Variants in UBXN4 observed in about 807,000 individuals in gnomAD.
UBXN4 encodes UBX domain protein 4.
In UBXN4, 35 loss-of-function variants were observed where a neutral mutation model predicts 66.2. That is an observed-to-expected ratio of 0.53 (90% CI 0.40 to 0.70). The LOEUF is 0.70. Ranked by LOEUF, UBXN4 falls within the 30% of genes least tolerant of loss-of-function variation. UBXN4 has a pLI of 0.00. For synonymous variants in UBXN4, 203 were observed against 204.5 expected (o/e 0.99, Z 0.06); for missense variants, 533 against 599.8 (o/e 0.89, Z 1.16).
chr2:135,745,818 CTAATGGAGCATTCT>C lies in UBXN4; in HGVS notation c.83-2436_83-2423del, dbSNP rs200463841. Among the ~76,000 whole-genome samples the C allele has an allele frequency of 2.7e-3, 411 of 149,566 alleles. 10 individuals are homozygous for C. The highest frequency in any genetic ancestry group is 0.019 in the Admixed American group (276 of 14,832). ...TGCATCTTCAACATCTAGGAGTCTG[CTAATGGAGCATTCT>C]TAATGGAGCATTTGGTCTGTGGATG... On this transcript the variant is annotated intron_variant, in intron 1 of 12. Transcript: ENST00000272638.
chr2:135,749,151 T>TTA (rs2077227647), intron 2 of UBXN4, among the ~76,000 whole-genome samples: 2 of 152,180 alleles, frequency 1.3e-5, no homozygotes, highest in African/African-American at 4.8e-5. Flanking sequence ...TGAAAAAACT[T>TTA]TAAGCTTTCC....
intron 8 of UBXN4, among the ~76,000 whole-genome samples, chr2:135,772,004 A>G (rs2077386525): frequency 6.6e-6 from 1 of 152,210 alleles, no homozygotes. Context: ...CCAGAATGTT[A>G]AAGTTCACAT....
At position 135,770,665 on chromosome 2, in the gene UBXN4, T is replaced by C. The variant is rs1184985439; in HGVS notation, c.752T>C (p.Leu251Pro). Residue 251 changes from leucine (L) to proline (P), a missense_variant, in exon 8 of 13, where the codon CTG becomes CCG. Coordinates refer to ENST00000272638, the MANE Select transcript of UBXN4 (RefSeq NM_014607.4). Reference protein sequence around the residue: ...KQEEELTKRMLEERNREKAED... With the variant: ...KQEEELTKRMPEERNREKAED... ...GAAGAAGAATTAACAAAAAGAATGC[T>C]GGAGGAAAGAAACAGAGAGAAAGCA... is the stretch of plus-strand genomic sequence containing the variant. 6.3e-7 allele frequency: 1 copy of C among 1,579,932 alleles called. No homozygotes were observed. Among genetic ancestry groups the C allele is most frequent in the Non-Finnish European group, 8.5e-7 (1 of 1,170,174 alleles).
At chr2:135,760,624 A>G (rs1456067592) in intron 5 of UBXN4, among the ~76,000 whole-genome samples, 1 of 152,186 alleles carries the variant, frequency 6.6e-6, no homozygotes, top group Non-Finnish European at 1.5e-5. Flanking sequence ...TCCACAGGTT[A>G]TCTTCATAAG....
intron 5 of UBXN4, among the ~76,000 whole-genome samples, chr2:135,759,366 A>G (rs943042126): frequency 1.1e-4 from 16 of 152,168 alleles, no homozygotes; most frequent in African/African-American, 3.9e-4. Context: ...GGCAATATTT[A>G]TATTATACTT....
intron 2 of UBXN4, among the ~76,000 whole-genome samples, chr2:135,751,826 G>GA (rs1451616504): frequency 6.6e-6 from 1 of 151,520 alleles, no homozygotes; most frequent in Non-Finnish European, 1.5e-5. Context: ...ATATTTGAGG[G>GA]AAAAAAGCAA....
At chr2:135,755,396 T>A in intron 4 of UBXN4, 121 bp from the exon 5 acceptor site, 1 of 703,004 alleles carries the variant, frequency 1.4e-6, no homozygotes, top group Non-Finnish European at 2.0e-6. Flanking sequence ...ATTCATCTAT[T>A]TATGAGCATT....
chr2:135,776,964 G>A (rs943935060), intron 10 of UBXN4, among the ~76,000 whole-genome samples: 9 of 152,286 alleles, frequency 5.9e-5, no homozygotes, highest in Middle Eastern at 3.4e-3. Context: ...CCGAAGGTCT[G>A]ATGTGAGGGA....
chr2:135,753,808 AGATAG>A (rs1359465841), intron 3 of UBXN4: 5 of 455,516 alleles, frequency 1.1e-5, no homozygotes, highest in South Asian at 8.6e-5. Context: ...TTGCAGCTAA[AGATAG>A]GATAGGGAGT....
chr2:135,769,854 CCT>C, intron 7 of UBXN4, 31 bp downstream of exon 7: 1 of 1,558,990 alleles, frequency 6.4e-7, no homozygotes, highest in Non-Finnish European at 8.7e-7. Context: ...ATTGTTTTGT[CCT>C]CTCATTAACT....
intron 9 of UBXN4, 22 bp from the exon 10 acceptor site, chr2:135,776,227 C>A: frequency 6.3e-7 from 1 of 1,591,554 alleles, no homozygotes. Flanking sequence ...AAGATTGTGA[C>A]TTTAATTTTC....
At chr2:135,757,309 T>A (rs947309146) in intron 5 of UBXN4, among the ~76,000 whole-genome samples, 2 of 152,246 alleles carry the variant, frequency 1.3e-5, no homozygotes, top group African/African-American at 4.8e-5. Flanking sequence ...TAGATAAAAT[T>A]ATGTTATACA....
intron 2 of UBXN4, among the ~76,000 whole-genome samples, chr2:135,750,331 A>G (rs983246217): frequency 6.6e-6 from 1 of 152,044 alleles, no homozygotes; most frequent in Non-Finnish European, 1.5e-5. Flanking sequence ...TTTGATATTG[A>G]TACTATCAGA....
intron 6 of UBXN4, among the ~76,000 whole-genome samples, chr2:135,768,939 C>G (rs552030405): frequency 5.3e-5 from 8 of 152,086 alleles, no homozygotes; most frequent in Admixed American, 3.9e-4. Flanking sequence ...AGGGCTTAGG[C>G]TATCCTCCTG....
intron 1 of UBXN4, among the ~76,000 whole-genome samples, chr2:135,743,302 G>A (rs1459450426): frequency 2.6e-5 from 4 of 152,088 alleles, no homozygotes; most frequent in Non-Finnish European, 5.9e-5. Flanking sequence ...CTGTCTGGGG[G>A]TTATATTATA....
In UBXN4 at chr2:135,776,345, T is replaced by G; in HGVS notation, c.1047T>G (p.Ala349=). 6.2e-7 allele frequency: 1 copy of G among 1,612,254 alleles called. No individual in the cohort carries two copies. Residue 349 remains alanine, a synonymous_variant, in exon 10 of 13, where the codon GCT becomes GCG. Coordinates refer to ENST00000272638, the MANE Select transcript of UBXN4 (RefSeq NM_014607.4). The part of the protein sequence containing the change: ...DAPLEEARQF[A]AQTVGNTYGN... ...CTCTAGAAGAGGCAAGGCAGTTTGC[T>G]GCACAGGTAAATTTATGTCTTGAGT...
chr2:135,780,563 C>T (rs1184088784), intron 12 of UBXN4, among the ~76,000 whole-genome samples, 178 bp downstream of exon 12: 2 of 152,200 alleles, frequency 1.3e-5, no homozygotes, highest in African/African-American at 4.8e-5. Flanking sequence ...GAGCTCACTA[C>T]CTGCGTTTTC....
chr2:135,777,570 T>A (rs572392201), intron 10 of UBXN4, among the ~76,000 whole-genome samples: 12 of 152,250 alleles, frequency 7.9e-5, no homozygotes, highest in African/African-American at 2.9e-4. Context: ...GGACTACATC[T>A]TTGATTGCAT....
chr2:135,776,200 G>C (rs1559543726), intron 9 of UBXN4, 49 bp from the exon 10 acceptor site: 4 of 1,451,540 alleles, frequency 2.8e-6, no homozygotes, highest in Non-Finnish European at 3.8e-6. Context: ...GATATTGTTA[G>C]AGAATATATA....
Sources: gnomAD v4.1 joint callset for allele counts (sites outside exome capture counted in the v4.1 genomes callset) on GRCh38, gnomAD v4.1.1 for gene constraint, MANE v1.5 for transcripts, NCBI Gene and HGNC (gene_info 2026-07-23, HGNC 2026-07-21) for gene names.